APLP2: variants seen among roughly 807,000 people sequenced by gnomAD.
APLP2 encodes amyloid beta precursor like protein 2, also known as CDEI box-binding protein.
A neutral mutation model predicts 89.9 loss-of-function variants in APLP2; 53 were observed. The observed-to-expected ratio is 0.59, with a 90% CI of 0.47 to 0.74. The LOEUF (loss-of-function observed/expected upper bound fraction) is 0.74, where lower values mean the gene tolerates loss of function less well. APLP2 is among the 30% of genes least tolerant of loss of function. The pLI, the probability that APLP2 is intolerant of heterozygous loss-of-function variation, is 0.00. For synonymous variants in APLP2, 372 were observed against 348.6 expected, an observed-to-expected ratio of 1.07 and a Z score of -0.75; for missense variants, 973 against 975.9, an observed-to-expected ratio of 1.00 and a Z score of 0.04.
chr11:130,082,130 A>G (rs572561097), intron 1 of APLP2, among the ~76,000 whole-genome samples: 59 of 152,340 alleles, frequency 3.9e-4, no homozygotes, highest in Admixed American at 1.4e-3. Flanking sequence ...CAGTCTTCTC[A>G]TACAGATTTT....
At position 130,141,226 on chromosome 11, in the gene APLP2, TC is replaced by T. The variant is rs1276044080; in HGVS notation, c.1924-271del. 90 of 391,834 alleles carry T rather than the reference TC, an allele frequency of 2.3e-4. No homozygotes were observed. Among genetic ancestry groups the T allele is most frequent in the Non-Finnish European group, 3.6e-4 (78 of 216,158 alleles). 24.3% of individuals were successfully genotyped at this position (391,834 alleles called of 1,614,324 possible). A position where few individuals can be genotyped will look rare whatever the true frequency, so the allele number is the denominator to read the frequency against. On this transcript the variant is annotated intron_variant, in intron 14 of 16. Coordinates refer to ENST00000338167, the MANE Select transcript of APLP2 (RefSeq NM_001142276.2). The surrounding 1 kb of genome is among the most constrained non-coding windows in gnomAD (Gnocchi z 4.2). ...TGGTGTAAACGGGGCTTTTTGGCAG[TC>T]TGTTCTGAGATACGTCTCCACAACG...
intron 3 of APLP2, among the ~76,000 whole-genome samples, chr11:130,115,770 G>A (rs1949088646): frequency 6.6e-6 from 1 of 152,138 alleles, no homozygotes; most frequent in African/African-American, 2.4e-5. Context: ...TTTTCCCTAG[G>A]AGCTTCTGAT....
rs1176176837 is a variant in APLP2, at chr11:130,069,962, A to G, written c.-16A>G. 8 of 1,497,354 alleles carry G rather than the reference A, an allele frequency of 5.3e-6. No homozygotes were observed. The highest frequency in any genetic ancestry group is 2.1e-5 in the Admixed American group (1 of 48,006). The allele number at this position is 1,497,354 out of a possible 1,614,324, so 92.8% of individuals were successfully genotyped here. ...TGTGAGCTTGAGAGCCGCGCGCTAG[A>G]GCGACCCGGCGAGGGATGGCGGCCA... On this transcript the variant is annotated 5_prime_UTR_variant, in exon 1 of 17. Transcript: ENST00000338167.
intron 1 of APLP2, among the ~76,000 whole-genome samples, chr11:130,088,567 TTCTC>T (rs1298784239): frequency 6.6e-6 from 1 of 152,116 alleles, no homozygotes; most frequent in Non-Finnish European, 1.5e-5. Context: ...AAATGTCATC[TTCTC>T]TCTCTGCTTC....
chr11:130,126,290 A>G (rs1258854248), intron 7 of APLP2, among the ~76,000 whole-genome samples: 1 of 152,232 alleles, frequency 6.6e-6, no homozygotes, highest in East Asian at 1.9e-4. Context: ...AAGGAATTGC[A>G]TAAAAGTGCC....
chr11:130,084,534 C>T (rs1436931387), intron 1 of APLP2, among the ~76,000 whole-genome samples: 1 of 152,014 alleles, frequency 6.6e-6, no homozygotes, highest in East Asian at 1.9e-4. Flanking sequence ...TAGGGTAATG[C>T]TGGCTTCATG....
intron 1 of APLP2, among the ~76,000 whole-genome samples, chr11:130,093,293 A>G: frequency 6.6e-6 from 1 of 152,220 alleles, no homozygotes; most frequent in East Asian, 1.9e-4. Context: ...GACTTCAGGA[A>G]CACCTTGAAC....
chr11:130,134,475 A>T (rs1316570543), intron 12 of APLP2, among the ~76,000 whole-genome samples: 1 of 152,246 alleles, frequency 6.6e-6, no homozygotes, highest in African/African-American at 2.4e-5. Context: ...TGGCCAAAGT[A>T]TGCAGGGACC....
chr11:130,069,995 C>G lies in APLP2; in HGVS notation c.18C>G (p.Thr6=). ...GGCGAGGGATGGCGGCCACCGGGAC[C>G]GCGGCCGCCGCAGCCACGGGCAGGC... The part of the protein sequence containing the change: MAATG[T]AAAAATGRLL... The change falls in exon 1 of 17, where the codon ACC becomes ACG. Residue 6 remains threonine, a synonymous_variant. Transcript: ENST00000338167. 3 of 1,501,700 alleles carry G rather than the reference C, an allele frequency of 2.0e-6. No individual in the cohort carries two copies. Among genetic ancestry groups the G allele is most frequent in the South Asian group, 1.2e-5 (1 of 81,712 alleles). 93.0% of individuals were successfully genotyped at this position (1,501,700 alleles called of 1,614,324 possible).
chr11:130,136,350 G>A (rs148600739), intron 13 of APLP2, among the ~76,000 whole-genome samples: 7 of 152,318 alleles, frequency 4.6e-5, no homozygotes, highest in East Asian at 1.9e-4. Flanking sequence ...CAGCTATGCC[G>A]TAGTCCTTGT....
At chr11:130,092,580 G>A (rs1184285086) in intron 1 of APLP2, among the ~76,000 whole-genome samples, 2 of 148,204 alleles carry the variant, frequency 1.3e-5, no homozygotes, top group African/African-American at 5.1e-5. Flanking sequence ...GCGTGGCGGC[G>A]CGTGCCTGCA....
chr11:130,070,635 T>C, intron 1 of APLP2: 3 of 1,457,590 alleles, frequency 2.1e-6, no homozygotes, highest in Non-Finnish European at 9.0e-7. Flanking sequence ...CCGGGGGAGC[T>C]CCCGCGCCAG....
At chr11:130,097,349 G>T (rs747492755) in intron 1 of APLP2, among the ~76,000 whole-genome samples, 8 of 152,232 alleles carry the variant, frequency 5.3e-5, no homozygotes, top group Non-Finnish European at 1.2e-4. Context: ...TATAAGCAAA[G>T]ATATGGGTTA....
intron 13 of APLP2, 48 bp downstream of exon 13, chr11:130,135,763 A>C: frequency 2.5e-6 from 4 of 1,600,864 alleles, no homozygotes; most frequent in Non-Finnish European, 2.6e-6. Context: ...GGGAGGACAA[A>C]ATGAGAGAAT....
chr11:130,140,331 T>C, intron 13 of APLP2, 67 bp from the exon 14 acceptor site: 1 of 1,309,188 alleles, frequency 7.6e-7, no homozygotes, highest in Non-Finnish European at 1.1e-6. Flanking sequence ...GGGAGTTTGC[T>C]GCTTCTGTGC....
intron 3 of APLP2, among the ~76,000 whole-genome samples, chr11:130,113,357 A>G (rs186652891): frequency 6.6e-6 from 1 of 152,248 alleles, no homozygotes; most frequent in African/African-American, 2.4e-5. Context: ...TGAAATGCAT[A>G]AAAGACAGTT....
chr11:130,123,641 C>A lies in APLP2; in HGVS notation c.952C>A (p.Pro318Thr), dbSNP rs753361132. 1 of 1,614,182 alleles carries A rather than the reference C, an allele frequency of 6.2e-7. No individual in the cohort carries two copies. Among genetic ancestry groups the A allele is most frequent in the East Asian group, 2.2e-5 (1 of 44,884 alleles). Residue 318 changes from proline to threonine, a missense_variant, in exon 7 of 17, where the codon CCC becomes ACC. Pro to Thr is a conservative substitution (Grantham distance 38). Coordinates refer to ENST00000338167, the MANE Select transcript of APLP2 (RefSeq NM_001142276.2). This position sits in a 1 kb window ranked among gnomAD's most constrained non-coding sequence, Gnocchi z 4.0. ...AVCSQEAMTGPCRAVMPRWYF... is the reference protein window; with the variant it reads ...AVCSQEAMTGTCRAVMPRWYF... ...CTGCTCCCAGGAGGCGATGACGGGG[C>A]CCTGCCGGGCCGTGATGCCTCGTTG...
chr11:130,110,723 C>A (rs747741837), intron 3 of APLP2, 62 bp downstream of exon 3: 1 of 1,513,084 alleles, frequency 6.6e-7, no homozygotes, highest in Non-Finnish European at 8.8e-7. Flanking sequence ...ATTTAATTTT[C>A]TCTTGGCTCA....
chr11:130,079,821 CTG>C (rs1258081869), intron 1 of APLP2, among the ~76,000 whole-genome samples: 2 of 152,180 alleles, frequency 1.3e-5, no homozygotes, highest in African/African-American at 4.8e-5. Flanking sequence ...CAGAGGGAAA[CTG>C]TTTTTGCAAT....
Sources: allele counts gnomAD v4.1 joint callset (sites outside exome capture counted in the v4.1 genomes callset), GRCh38; gene constraint gnomAD v4.1.1; non-coding constraint Gnocchi (gnomAD v3.1); transcripts MANE v1.5; gene names NCBI Gene and HGNC (gene_info 2026-07-23, HGNC 2026-07-21).